The following HECW2 variants were observed in gnomAD, a reference collection of about 807,000 sequenced individuals.
HECW2 encodes HECT, C2 and WW domain containing E3 ubiquitin protein ligase 2.
Under a neutral mutation model 175.2 loss-of-function variants are expected in HECW2, and 61 were observed. The observed-to-expected ratio is 0.35, with a 90% CI of 0.28 to 0.43. The LOEUF (loss-of-function observed/expected upper bound fraction) is 0.43. HECW2 is among the 20% of genes least tolerant of loss of function. The pLI, the probability that HECW2 is intolerant of heterozygous loss-of-function variation, is 1.00. For missense variants in HECW2, 1,524 were observed against 2,000.5 expected, an observed-to-expected ratio of 0.76 and a Z score of 4.54; for synonymous variants, 671 against 731.0, an observed-to-expected ratio of 0.92 and a Z score of 1.32.
At chr2:196,570,325 C>T (rs1469990427) in intron 1 of HECW2, among the ~76,000 whole-genome samples, 1 of 152,192 alleles carries the variant, frequency 6.6e-6, no homozygotes, top group Non-Finnish European at 1.5e-5. Context: ...ACCTATCAAA[C>T]CAGCTACCTT....
intron 2 of HECW2, among the ~76,000 whole-genome samples, chr2:196,372,581 C>G (rs1388409665): frequency 6.6e-6 from 1 of 152,160 alleles, no homozygotes; most frequent in Non-Finnish European, 1.5e-5. Flanking sequence ...ACAATAATAG[C>G]AACCACTTTC....
intron 6 of HECW2, among the ~76,000 whole-genome samples, chr2:196,323,386 T>C (rs1692020392): frequency 6.6e-6 from 1 of 152,218 alleles, no homozygotes; most frequent in Non-Finnish European, 1.5e-5. Context: ...TTTTTGAAGA[T>C]GAGAATCTCA....
At chr2:196,396,925 C>T (rs571564150) in intron 2 of HECW2, among the ~76,000 whole-genome samples, 2 of 151,982 alleles carry the variant, frequency 1.3e-5, no homozygotes, top group East Asian at 3.9e-4. Flanking sequence ...TCCTGGCTAA[C>T]ATGGTGAAGC....
At chr2:196,394,342 A>G (rs1694601656) in intron 2 of HECW2, among the ~76,000 whole-genome samples, 1 of 152,182 alleles carries the variant, frequency 6.6e-6, no homozygotes, top group Non-Finnish European at 1.5e-5. Flanking sequence ...GAAAAATAGT[A>G]CAGGTGGTAA....
chr2:196,310,352 T>C (rs890943580), intron 10 of HECW2, among the ~76,000 whole-genome samples: 1 of 152,226 alleles, frequency 6.6e-6, no homozygotes, highest in African/African-American at 2.4e-5. Context: ...AGACAAATTC[T>C]ATAGTGCCAA....
chr2:196,557,180 G>A (rs1689823667), intron 1 of HECW2, among the ~76,000 whole-genome samples: 1 of 152,176 alleles, frequency 6.6e-6, no homozygotes, highest in South Asian at 2.1e-4. Flanking sequence ...CGGATCACCT[G>A]AGGTCAGGAG....
Position 196,319,588 on chromosome 2 carries a change from C to G in HECW2, c.1302G>C (p.Ala434=), listed in dbSNP as rs201130712. ...CACCCATGGACCTCTCAGAGCAGGTCGCTGTCCCCGGCCTGGAGTGGCCAT... is the reference window on the plus strand; with the variant it reads ...CACCCATGGACCTCTCAGAGCAGGTGGCTGTCCCCGGCCTGGAGTGGCCAT... ...EHNGHSRPGT[A]TCSERSMGAS... Residue 434 remains alanine, a synonymous_variant, in exon 9 of 29, where the codon GCG becomes GCC. Transcript: ENST00000644978. 1.9e-6 allele frequency: 3 copies of G among 1,614,066 alleles called. No homozygotes were observed. The highest frequency in any genetic ancestry group is 2.7e-5 in the African/African-American group (2 of 74,932).
At chr2:196,577,539 T>C (rs1324004132) in intron 1 of HECW2, among the ~76,000 whole-genome samples, 1 of 152,178 alleles carries the variant, frequency 6.6e-6, no homozygotes, top group Non-Finnish European at 1.5e-5. Flanking sequence ...TGCAAAGCTC[T>C]GACGTATTCC....
In HECW2 at chr2:196,361,598, A is replaced by G. The variant is rs530450827; in HGVS notation, c.293-17834T>C. ...GACTGTCTATATGTAACAGTTTTGC[A>G]TGCTTTAATCTCAGCACTGATCTCT... On this transcript the variant is annotated intron_variant, in intron 2 of 28. Coordinates refer to ENST00000644978, the MANE Select transcript of HECW2 (RefSeq NM_001348768.2). Among the ~76,000 whole-genome samples the G allele has an allele frequency of 9.2e-5, 14 of 152,336 alleles. No homozygotes were observed. In the South Asian group the frequency reaches 1.9e-3, roughly 20 times the overall value.
At chr2:196,508,379 T>A (rs1404392163) in intron 1 of HECW2, among the ~76,000 whole-genome samples, 1 of 152,130 alleles carries the variant, frequency 6.6e-6, no homozygotes, top group Non-Finnish European at 1.5e-5. Context: ...AAATACAAAT[T>A]GGAAAACAAA....
chr2:196,432,169 C>CA (rs1695732802), intron 2 of HECW2, among the ~76,000 whole-genome samples: 1 of 152,000 alleles, frequency 6.6e-6, no homozygotes, highest in African/African-American at 2.4e-5. Context: ...CTCTAGGGGG[C>CA]AAAATCTTCC....
At chr2:196,370,781 C>T (rs536200883) in intron 2 of HECW2, among the ~76,000 whole-genome samples, 14 of 152,274 alleles carry the variant, frequency 9.2e-5, no homozygotes, top group African/African-American at 3.1e-4. Flanking sequence ...TTCTGCCCAG[C>T]GTTGCTTTCT....
chr2:196,500,408 C>T (rs1687539174), intron 1 of HECW2, among the ~76,000 whole-genome samples: 1 of 152,090 alleles, frequency 6.6e-6, no homozygotes. Flanking sequence ...TGCAATCTTA[C>T]ACCATCAAAG....
At chr2:196,471,268 A>G (rs1195052356) in intron 1 of HECW2, among the ~76,000 whole-genome samples, 1 of 152,244 alleles carries the variant, frequency 6.6e-6, no homozygotes. Flanking sequence ...ACAGTGAGAT[A>G]CCATCTCATA....
chr2:196,317,456 C>A, intron 9 of HECW2, 87 bp from the exon 10 acceptor site: 2 of 938,010 alleles, frequency 2.1e-6, no homozygotes, highest in Non-Finnish European at 1.7e-6. Context: ...ACATAATTCC[C>A]AAGGCTAGTT....
chr2:196,365,247 C>T (rs1469097939), intron 2 of HECW2, among the ~76,000 whole-genome samples: 3 of 152,200 alleles, frequency 2.0e-5, no homozygotes, highest in Non-Finnish European at 4.4e-5. Context: ...CCTTAGATTA[C>T]AACACAAATT....
chr2:196,554,470 TACTA>T (rs1689728390), intron 1 of HECW2, among the ~76,000 whole-genome samples: 1 of 152,226 alleles, frequency 6.6e-6, no homozygotes, highest in Admixed American at 6.5e-5. Context: ...AAGAAACATC[TACTA>T]ACTAAATGTT....
chr2:196,490,300 A>C (rs1257825636), intron 1 of HECW2, among the ~76,000 whole-genome samples: 1 of 152,168 alleles, frequency 6.6e-6, no homozygotes. Context: ...CTTTCCCTCC[A>C]TTTTATTTTC....
intron 1 of HECW2, among the ~76,000 whole-genome samples, chr2:196,569,847 T>C (rs921539542): frequency 6.6e-6 from 1 of 152,248 alleles, no homozygotes; most frequent in Non-Finnish European, 1.5e-5. Context: ...AAAAGTGCTA[T>C]ATAAACCCAA....
Sources: allele counts gnomAD v4.1 joint callset (sites outside exome capture counted in the v4.1 genomes callset), GRCh38; gene constraint gnomAD v4.1.1; transcripts MANE v1.5; gene names NCBI Gene and HGNC (gene_info 2026-07-23, HGNC 2026-07-21).